Variants in MMACHC observed in about 807,000 individuals in gnomAD.
MMACHC encodes the protein metabolism of cobalamin associated C.
In MMACHC, 14 loss-of-function variants were observed where a neutral mutation model predicts 17.6. The observed-to-expected ratio is 0.80, with a 90% CI of 0.53 to 1.25. MMACHC has a LOEUF of 1.25. Ranked by LOEUF, MMACHC falls within the 50% of genes most tolerant of loss-of-function variation. The pLI is 0.00. For synonymous variants in MMACHC, 151 were observed against 142.1 expected (o/e 1.06, Z -0.45); for missense variants, 392 against 364.5 (o/e 1.08, Z -0.62).
In MMACHC at chr1:45,511,608, G is replaced by C. The variant is rs1280942199; in HGVS notation, c.*2393G>C. The C allele has an allele frequency of 4.8e-6, 2 of 414,594 alleles. No individual in the cohort carries two copies. The highest frequency in any genetic ancestry group is 7.2e-5 in the East Asian group (2 of 27,638). 25.7% of individuals were successfully genotyped at this position (414,594 alleles called of 1,614,324 possible). On this transcript the variant is annotated 3_prime_UTR_variant, in exon 4 of 4. Transcript: ENST00000401061. ...CATATAATCATCACCACAGCCTTAA[G>C]ATACTATCATGCCTAATTTATTCAT...
Position 45,511,532 on chromosome 1 carries a change from A to C in MMACHC, c.*2317A>C. On this transcript the variant is annotated 3_prime_UTR_variant, in exon 4 of 4. Transcript: ENST00000401061. The stretch of plus-strand genomic sequence containing the variant: ...CAGATACCAGGAAACCTACCCCTGC[A>C]ATCAGTCTTAGATCATTCACCCTTT... 2 of 728,190 alleles carry C rather than the reference A, an allele frequency of 2.7e-6. No individual in the cohort carries two copies. The highest frequency in any genetic ancestry group is 4.6e-6 in the Non-Finnish European group (2 of 434,736). The allele number at this position is 728,190 out of a possible 1,614,324, so 45.1% of individuals were successfully genotyped here. A position where few individuals can be genotyped will look rare whatever the true frequency, so the allele number is the denominator to read the frequency against.
Position 45,508,273 on chromosome 1 carries a change from C to G in MMACHC, c.338C>G (p.Pro113Arg). ...ADYEVHPNRR[P>R]KILAQTAAHV... is the part of the protein sequence containing the mutation. Reference sequence around the variant, plus strand: ...TACGAGGTGCACCCCAACCGACGCCCCAAGATCCTGGCCCAGACAGCAGCC... The same window carrying G: ...TACGAGGTGCACCCCAACCGACGCCGCAAGATCCTGGCCCAGACAGCAGCC... Residue 113 changes from proline to arginine, a missense_variant, in exon 3 of 4, where the codon CCC (proline) becomes CGC (arginine). Transcript: ENST00000401061. 1.2e-6 allele frequency: 2 copies of G among 1,614,176 alleles called. No individual in the cohort carries two copies. Among genetic ancestry groups the G allele is most frequent in the Non-Finnish European group, 8.5e-7 (1 of 1,180,030 alleles).
chr1:45,500,544 A>C (rs2149321032), intron 1 of MMACHC, 131 bp downstream of exon 1: 1 of 879,960 alleles, frequency 1.1e-6, no homozygotes, highest in Non-Finnish European at 1.9e-6. Flanking sequence ...ACAGGGACAG[A>C]GTTTCAGTGG....
rs1239805419 is a variant in MMACHC, at chr1:45,510,532, A to C, written c.*1317A>C. The C allele has an allele frequency of 6.6e-6, 1 of 152,134 alleles. No homozygotes were observed. Among genetic ancestry groups the C allele is most frequent in the Non-Finnish European group, 1.5e-5 (1 of 68,042 alleles). 9.4% of individuals were successfully genotyped at this position (152,134 alleles called of 1,614,324 possible). ...CAACATAATGACACTAAAAAAGACT[A>C]TCTCTAATCAAGGCTAGAACCAAGG... On this transcript the variant is annotated 3_prime_UTR_variant, in exon 4 of 4. Transcript: ENST00000401061.
chr1:45,500,698 C>T (rs900884301), intron 1 of MMACHC, among the ~76,000 whole-genome samples: 1 of 151,928 alleles, frequency 6.6e-6, no homozygotes, highest in African/African-American at 2.4e-5. Context: ...AACCCCATCT[C>T]TACTAAAAAT....
rs1472163210 is a variant in MMACHC, at chr1:45,508,154, G to A, written c.277-58G>A. The A allele has an allele frequency of 2.5e-6, 4 of 1,598,516 alleles. No individual in the cohort carries two copies. The East Asian group carries it at 6.7e-5, about 27-fold the overall frequency. ...CACAAAACAAACTAGGGCTCCCTCG[G>A]ACAAGGTCATAACTCCCCTCATGCT... On this transcript the variant is annotated intron_variant, in intron 2 of 3. Transcript: ENST00000401061.
At position 45,510,311 on chromosome 1, in the gene MMACHC, G is replaced by A. The variant is rs1557610222; in HGVS notation, c.*1096G>A. The A allele has an allele frequency of 6.6e-6, 1 of 152,118 alleles. No individual in the cohort carries two copies. Among genetic ancestry groups the A allele is most frequent in the African/African-American group, 2.4e-5 (1 of 41,404 alleles). 9.4% of individuals were successfully genotyped at this position (152,118 alleles called of 1,614,324 possible). A position where few individuals can be genotyped will look rare whatever the true frequency, so the allele number is the denominator to read the frequency against. The stretch of plus-strand genomic sequence containing the variant: ...CACATGATACACAGAAGTATCCTCA[G>A]TTCTGAATCTACCTTGGCCTCAAGG... On this transcript the variant is annotated 3_prime_UTR_variant, in exon 4 of 4. Transcript: ENST00000401061.
Position 45,511,337 on chromosome 1 carries a change from G to A in MMACHC, c.*2122G>A, listed in dbSNP as rs200769887. ...CTAAAACAGCCCAGCGCTCACTTCT[G>A]CTTGGAGAAATATTCTTTGCTCTTT... On this transcript the variant is annotated 3_prime_UTR_variant, in exon 4 of 4. Transcript: ENST00000401061. The A allele has an allele frequency of 6.2e-7, 1 of 1,612,086 alleles. No homozygotes were observed. The highest frequency in any genetic ancestry group is 8.5e-7 in the Non-Finnish European group (1 of 1,179,020).
rs973151632 is a variant in MMACHC at position 45,509,432 on chromosome 1, T to C, written c.*217T>C. Reference sequence around the variant, plus strand: ...TTCAAATGAGTTTTTTTTTTTTTTTTAGACAGAGTCTTACTCTGTCACCTA... The same window carrying C: ...TTCAAATGAGTTTTTTTTTTTTTTTCAGACAGAGTCTTACTCTGTCACCTA... On this transcript the variant is annotated 3_prime_UTR_variant, in exon 4 of 4. Transcript: ENST00000401061. 1.9e-6 allele frequency: 1 copy of C among 539,866 alleles called. No homozygotes were observed. Among genetic ancestry groups the C allele is most frequent in the Middle Eastern group, 5.2e-4 (1 of 1,906 alleles). 33.4% of individuals were successfully genotyped at this position (539,866 alleles called of 1,614,324 possible).
chr1:45,508,625 C>T (rs1288680525), intron 3 of MMACHC, among the ~76,000 whole-genome samples, 171 bp from the exon 4 acceptor site: 1 of 152,178 alleles, frequency 6.6e-6, no homozygotes, highest in Non-Finnish European at 1.5e-5. Context: ...GAAGCCCAGC[C>T]CTTCCCTGTG....
intron 1 of MMACHC, among the ~76,000 whole-genome samples, chr1:45,505,833 C>T (rs775138029): frequency 1.3e-5 from 2 of 149,180 alleles, no homozygotes; most frequent in African/African-American, 2.5e-5. Context: ...ACCCGGGAGG[C>T]GGAGGTTGCG....
At position 45,509,415 on chromosome 1, in the gene MMACHC, A is replaced by ATTTTTTTTTTTTTT; in HGVS notation, c.*200_*201insTTTTTTTTTTTTTT. ...CAGAATTCCCATCTGCCTTCAAATG[A>ATTTTTTTTTTTTTT]GTTTTTTTTTTTTTTTTAGACAGAG... is the stretch of plus-strand genomic sequence containing the variant. On this transcript the variant is annotated 3_prime_UTR_variant, in exon 4 of 4. Transcript: ENST00000401061. 4.1e-6 allele frequency: 1 copy of ATTTTTTTTTTTTTT among 245,534 alleles called. No individual in the cohort carries two copies. The highest frequency in any genetic ancestry group is 7.4e-5 in the African/African-American group (1 of 13,520). 15.2% of individuals were successfully genotyped at this position (245,534 alleles called of 1,614,324 possible).
chr1:45,500,590 C>T (rs1048285875), intron 1 of MMACHC, among the ~76,000 whole-genome samples, 177 bp downstream of exon 1: 2 of 152,158 alleles, frequency 1.3e-5, no homozygotes, highest in Non-Finnish European at 2.9e-5. Flanking sequence ...CGAGGCCGGG[C>T]ATGGTGGCTC....
chr1:45,501,134 A>G (rs1487341577), intron 1 of MMACHC, among the ~76,000 whole-genome samples: 2 of 152,196 alleles, frequency 1.3e-5, no homozygotes, highest in African/African-American at 2.4e-5. Context: ...TGAACAGGCA[A>G]ACAATTGGCT....
In MMACHC at chr1:45,509,340, A is replaced by AT; in HGVS notation, c.*126dup. On this transcript the variant is annotated 3_prime_UTR_variant, in exon 4 of 4. Transcript: ENST00000401061. ...AATATAGTAGAGATCTTCCATGAAGATAACAAGGCTCAAGGAAGTTAGGTT... is the reference window on the plus strand; with the variant it reads ...AATATAGTAGAGATCTTCCATGAAGATTAACAAGGCTCAAGGAAGTTAGGTT... 2 of 1,188,934 alleles carry AT rather than the reference A, an allele frequency of 1.7e-6. No individual in the cohort carries two copies. The highest frequency in any genetic ancestry group is 4.2e-5 in the Admixed American group (2 of 47,710). 73.6% of individuals were successfully genotyped at this position (1,188,934 alleles called of 1,614,324 possible). A position where few individuals can be genotyped will look rare whatever the true frequency, so the allele number is the denominator to read the frequency against.
In MMACHC at chr1:45,511,591, C is replaced by A; in HGVS notation, c.*2376C>A. ...GCTAACCATTTTACAAACATATAAT[C>A]ATCACCACAGCCTTAAGATACTATC... On this transcript the variant is annotated 3_prime_UTR_variant, in exon 4 of 4. Coordinates refer to ENST00000401061, the MANE Select transcript of MMACHC (RefSeq NM_015506.3). 2.3e-6 allele frequency: 1 copy of A among 433,746 alleles called. No individual in the cohort carries two copies. Among genetic ancestry groups the A allele is most frequent in the Non-Finnish European group, 4.1e-6 (1 of 243,722 alleles). The allele number at this position is 433,746 out of a possible 1,614,324, so 26.9% of individuals were successfully genotyped here.
rs780981680 is a variant in MMACHC, at chr1:45,500,346, T to A, written c.14T>A (p.Val5Asp). MEPK[V>D]AELKQKIEDT... ...GTAACGTGCGCTATGGAGCCGAAAG[T>A]CGCAGAGCTGAAGCAGAAGATCGAG... The change falls in exon 1 of 4, where the codon GTC becomes GAC. Residue 5 changes from valine to aspartate, a missense_variant. Transcript: ENST00000401061. 1.2e-6 allele frequency: 2 copies of A among 1,614,140 alleles called. No homozygotes were observed. The highest frequency in any genetic ancestry group is 3.3e-5 in the Admixed American group (2 of 60,030).
At chr1:45,508,136 CA>C in intron 2 of MMACHC, 75 bp from the exon 3 acceptor site, 1 of 1,568,180 alleles carries the variant, frequency 6.4e-7, no homozygotes, top group Non-Finnish European at 8.8e-7. Flanking sequence ...ACACACAAAA[CA>C]AACTAGGGCT....
chr1:45,505,770 C>T (rs1259586343), intron 1 of MMACHC, among the ~76,000 whole-genome samples: 2 of 151,710 alleles, frequency 1.3e-5, no homozygotes, highest in African/African-American at 4.8e-5. Flanking sequence ...GGCGTGGTGG[C>T]ACGTGCCTGT....
Sources: gnomAD v4.1 joint callset for allele counts (sites outside exome capture counted in the v4.1 genomes callset) on GRCh38, gnomAD v4.1.1 for gene constraint, MANE v1.5 for transcripts, NCBI Gene and HGNC (gene_info 2026-07-23, HGNC 2026-07-21) for gene names.